CTNNA2: variants seen among roughly 807,000 people sequenced by gnomAD.
The protein encoded by CTNNA2 is catenin alpha 2, also known as catenin alpha-2.
Under a neutral mutation model 101.0 loss-of-function variants are expected in CTNNA2, and 42 were observed. That is an observed-to-expected ratio of 0.42 (90% CI 0.32 to 0.54). The LOEUF (loss-of-function observed/expected upper bound fraction) is 0.54. Ranked by LOEUF, CTNNA2 falls within the 20% of genes least tolerant of loss-of-function variation. CTNNA2 has a pLI of 0.14. For synonymous variants in CTNNA2, 450 were observed against 456.4 expected, an observed-to-expected ratio of 0.99 and a Z score of 0.18; for missense variants, 871 against 1,223.1, an observed-to-expected ratio of 0.71 and a Z score of 4.29.
At chr2:79,878,312 A>G (rs991952822) in intron 6 of CTNNA2, among the ~76,000 whole-genome samples, 1 of 152,172 alleles carries the variant, frequency 6.6e-6, no homozygotes, top group Non-Finnish European at 1.5e-5. Flanking sequence ...AAAGACTTAT[A>G]TTCCTTTGTG....
chr2:80,127,137 G>A (rs1366409864), intron 7 of CTNNA2, among the ~76,000 whole-genome samples: 2 of 152,168 alleles, frequency 1.3e-5, no homozygotes, highest in East Asian at 3.9e-4. Flanking sequence ...ACAGATGTTT[G>A]CATTGTGATT....
At chr2:79,197,539 G>T (rs747832204) in intron 1 of CTNNA2, among the ~76,000 whole-genome samples, 1 of 151,218 alleles carries the variant, frequency 6.6e-6, no homozygotes, top group Non-Finnish European at 1.5e-5. Flanking sequence ...CATAATGTAT[G>T]GTGTGTCCAT....
chr2:79,563,367 A>T (rs1012954042), intron 1 of CTNNA2, among the ~76,000 whole-genome samples: 2 of 152,076 alleles, frequency 1.3e-5, no homozygotes, highest in African/African-American at 2.4e-5. Context: ...TTAGGACAAA[A>T]AGTGACTTTT....
At chr2:79,461,179 C>A (rs1232506630) in intron 4 of CTNNA2, among the ~76,000 whole-genome samples, 1 of 152,086 alleles carries the variant, frequency 6.6e-6, no homozygotes, top group Non-Finnish European at 1.5e-5. Flanking sequence ...GCAGAGTGAG[C>A]AAAAATGGCT....
At chr2:79,783,827 G>T (rs530947167) in intron 3 of CTNNA2, among the ~76,000 whole-genome samples, 2 of 152,198 alleles carry the variant, frequency 1.3e-5, no homozygotes, top group South Asian at 4.2e-4. Context: ...AACTTTCACA[G>T]ATCTATCACA....
chr2:80,112,444 G>T (rs1701275869), intron 7 of CTNNA2, among the ~76,000 whole-genome samples: 1 of 152,004 alleles, frequency 6.6e-6, no homozygotes, highest in Non-Finnish European at 1.5e-5. Context: ...ACTGTGATGG[G>T]GATATAATTT....
chr2:79,370,849 C>T (rs1283506878), intron 3 of CTNNA2, among the ~76,000 whole-genome samples: 1 of 152,136 alleles, frequency 6.6e-6, no homozygotes, highest in Non-Finnish European at 1.5e-5. Context: ...TTTTTCTCCA[C>T]CCTTTTGAGT....
At chr2:79,414,145 G>A (rs1251983459) in intron 4 of CTNNA2, among the ~76,000 whole-genome samples, 3 of 151,656 alleles carry the variant, frequency 2.0e-5, no homozygotes, top group Non-Finnish European at 4.4e-5. Flanking sequence ...TGCCAAACAT[G>A]GAAGTTATTT....
At chr2:79,826,546 A>G (rs573722350) in intron 3 of CTNNA2, among the ~76,000 whole-genome samples, 10 of 152,212 alleles carry the variant, frequency 6.6e-5, no homozygotes, top group South Asian at 2.1e-4. Flanking sequence ...TGCAGCCACT[A>G]TCATCTTCAT....
At chr2:79,549,871 GC>G (rs1673981371) in intron 1 of CTNNA2, among the ~76,000 whole-genome samples, 1 of 152,138 alleles carries the variant, frequency 6.6e-6, no homozygotes, top group South Asian at 2.1e-4. Context: ...TAGGAGGAGG[GC>G]AATATCTGAG....
At chr2:79,615,418 T>C (rs1157401152) in intron 1 of CTNNA2, among the ~76,000 whole-genome samples, 1 of 152,238 alleles carries the variant, frequency 6.6e-6, no homozygotes, top group Non-Finnish European at 1.5e-5. Flanking sequence ...TAAGAGTTTA[T>C]AATAGCTGTC....
At chr2:80,273,211 T>C (rs913654368) in intron 7 of CTNNA2, among the ~76,000 whole-genome samples, 1 of 152,156 alleles carries the variant, frequency 6.6e-6, no homozygotes, top group Non-Finnish European at 1.5e-5. Context: ...GAGAAGAAGG[T>C]TGAAACCTGA....
intron 3 of CTNNA2, among the ~76,000 whole-genome samples, chr2:79,832,502 G>A (rs529662608): frequency 6.6e-5 from 10 of 152,112 alleles, no homozygotes; most frequent in Non-Finnish European, 1.5e-4. Flanking sequence ...ACATTGATAT[G>A]GCCTGTTTTT....
rs1558926232 is a variant in CTNNA2 at position 80,232,320 on chromosome 2, G to GTTTT, written c.1057-160890_1057-160887dup. 3.1e-3 allele frequency among the ~76,000 whole-genome samples: 342 copies of GTTTT among 110,602 alleles called. 6 individuals are homozygous for GTTTT. The highest frequency in any genetic ancestry group is 0.01 in the African/African-American group (330 of 32,492). 72.6% of individuals were successfully genotyped at this position (110,602 alleles called of 152,430 possible). ...TCTTCAAATATTTTACAGAATTTGG[G>GTTTT]TTTTGTTTGTTTGTTTGTTTGTTTG... is the stretch of plus-strand genomic sequence containing the variant. On this transcript the variant is annotated intron_variant, in intron 7 of 18. Transcript: ENST00000402739.
intron 2 of CTNNA2, among the ~76,000 whole-genome samples, chr2:79,676,706 A>T (rs932090941): frequency 6.6e-5 from 10 of 152,302 alleles, no homozygotes; most frequent in African/African-American, 2.4e-4. Flanking sequence ...GGAGCACACC[A>T]TCAAGACTCC....
chr2:80,440,850 A>G (rs1682497019), intron 9 of CTNNA2, among the ~76,000 whole-genome samples: 2 of 152,182 alleles, frequency 1.3e-5, no homozygotes, highest in South Asian at 4.1e-4. Context: ...CTTGTAATAG[A>G]CAACCCTGAC....
At position 79,744,527 on chromosome 2, in the gene CTNNA2, G is replaced by T. The variant is rs773644253; in HGVS notation, c.243G>T (p.Glu81Asp). 1.2e-6 allele frequency: 2 copies of T among 1,614,078 alleles called. No individual in the cohort carries two copies. Among genetic ancestry groups the T allele is most frequent in the South Asian group, 2.2e-5 (2 of 91,078 alleles). ...FLEKGEQIAK[E>D]SQDLKEELVA... The stretch of plus-strand genomic sequence containing the variant: ...AAAAGGGTGAACAGATCGCTAAGGA[G>T]AGTCAAGATCTCAAAGAAGAGTTGG... The change falls in exon 3 of 19, where the codon GAG becomes GAT. Residue 81 changes from glutamate to aspartate, a missense_variant. Glu to Asp is a conservative substitution (Grantham distance 45, BLOSUM62 2). Transcript: ENST00000402739.
chr2:79,823,409 T>C (rs1247441013), intron 3 of CTNNA2, among the ~76,000 whole-genome samples: 1 of 152,108 alleles, frequency 6.6e-6, no homozygotes, highest in African/African-American at 2.4e-5. Context: ...TCCCAGCTAC[T>C]TGGGTGACTG....
chr2:80,125,940 G>A (rs960157998), intron 7 of CTNNA2, among the ~76,000 whole-genome samples: 1 of 152,238 alleles, frequency 6.6e-6, no homozygotes, highest in East Asian at 1.9e-4. Flanking sequence ...GAAGCACCTG[G>A]TTCACTTTTG....
Sources: allele counts gnomAD v4.1 joint callset (sites outside exome capture counted in the v4.1 genomes callset), GRCh38; gene constraint gnomAD v4.1.1; transcripts MANE v1.5; gene names NCBI Gene and HGNC (gene_info 2026-07-23, HGNC 2026-07-21).